The following LRMDA variants were observed in gnomAD, a reference collection of about 807,000 sequenced individuals.
LRMDA encodes the protein leucine-rich melanocyte differentiation-associated protein.
A neutral mutation model predicts 29.8 loss-of-function variants in LRMDA; 18 were observed. The ratio of observed to expected loss-of-function variants is 0.60; its 90% CI spans 0.42 to 0.90. The LOEUF is 0.90. Ranked by LOEUF, LRMDA falls within the 40% of genes least tolerant of loss-of-function variation. The pLI, the probability that LRMDA is intolerant of heterozygous loss-of-function variation, is 0.00. For synonymous variants in LRMDA, 125 were observed against 109.4 expected (o/e 1.14, Z -0.89); for missense variants, 273 against 273.9 (o/e 1.00, Z 0.02).
intron 2 of LRMDA, among the ~76,000 whole-genome samples, chr10:76,027,112 T>C (rs1454546365): frequency 1.3e-5 from 2 of 152,234 alleles, no homozygotes; most frequent in African/African-American, 4.8e-5. Flanking sequence ...CACTGTTTCT[T>C]ACACCCTTCA....
At chr10:75,897,267 A>G (rs1845599385) in intron 2 of LRMDA, among the ~76,000 whole-genome samples, 1 of 152,208 alleles carries the variant, frequency 6.6e-6, no homozygotes, top group African/African-American at 2.4e-5. Context: ...CCTAGAACCA[A>G]AGGTTAAGTT....
chr10:76,280,927 G>A (rs901028289), intron 5 of LRMDA, among the ~76,000 whole-genome samples: 2 of 152,140 alleles, frequency 1.3e-5, no homozygotes, highest in African/African-American at 2.4e-5. Flanking sequence ...AGAATTGCTT[G>A]TGGCCTTATT....
intron 2 of LRMDA, among the ~76,000 whole-genome samples, chr10:75,901,265 A>G (rs1161709901): frequency 6.6e-6 from 1 of 151,724 alleles, no homozygotes; most frequent in Non-Finnish European, 1.5e-5. Flanking sequence ...CCTGAATTCA[A>G]ATCTCCTTGT....
chr10:76,073,099 C>G (rs1848900584), intron 5 of LRMDA, among the ~76,000 whole-genome samples: 1 of 152,194 alleles, frequency 6.6e-6, no homozygotes, highest in Non-Finnish European at 1.5e-5. Flanking sequence ...TATATTTGAG[C>G]CTAGATTTTG....
intron 2 of LRMDA, among the ~76,000 whole-genome samples, chr10:75,467,912 G>T (rs1844674476): frequency 6.6e-6 from 1 of 151,528 alleles, no homozygotes; most frequent in African/African-American, 2.4e-5. Flanking sequence ...AGTGAGCCGA[G>T]ATCGCGTCAC....
At chr10:76,139,642 C>T (rs192987363) in intron 5 of LRMDA, among the ~76,000 whole-genome samples, 8 of 152,254 alleles carry the variant, frequency 5.3e-5, no homozygotes, top group Admixed American at 3.3e-4. Flanking sequence ...TTTGATCCTT[C>T]GTGTACTTTC....
intron 5 of LRMDA, among the ~76,000 whole-genome samples, chr10:76,229,935 G>A (rs570302955): frequency 1.3e-5 from 2 of 152,234 alleles, no homozygotes; most frequent in Admixed American, 1.3e-4. Flanking sequence ...TTTTCAGGAA[G>A]CTGCTGATAA....
intron 6 of LRMDA, among the ~76,000 whole-genome samples, chr10:76,491,216 C>T (rs190573099): frequency 3.3e-5 from 5 of 152,070 alleles, no homozygotes; most frequent in Admixed American, 2.0e-4. Context: ...TTACATACCA[C>T]AATTGCAGTG....
chr10:75,896,841 T>TTGTGTTTGTGTG (rs1845590656), intron 2 of LRMDA, among the ~76,000 whole-genome samples: 2 of 147,442 alleles, frequency 1.4e-5, no homozygotes, highest in South Asian at 4.4e-4. Context: ...GAGTGTGCAT[T>TTGTGTTTGTGTG]TGTGTGTGTG....
chr10:76,080,928 G>A (rs1849039220), intron 5 of LRMDA, among the ~76,000 whole-genome samples: 1 of 152,178 alleles, frequency 6.6e-6, no homozygotes, highest in African/African-American at 2.4e-5. Flanking sequence ...TCCTCTCTAG[G>A]TGGGCTGTGT....
At chr10:75,707,246 T>C (rs1842380723) in intron 2 of LRMDA, among the ~76,000 whole-genome samples, 1 of 152,164 alleles carries the variant, frequency 6.6e-6, no homozygotes, top group Admixed American at 6.5e-5. Flanking sequence ...AACTAAGATG[T>C]GTCAGATGGG....
At chr10:76,512,755 G>A (rs1254644121) in intron 6 of LRMDA, among the ~76,000 whole-genome samples, 3 of 152,204 alleles carry the variant, frequency 2.0e-5, no homozygotes, top group African/African-American at 7.2e-5. Context: ...AGTACCCCTT[G>A]TATTATGGGC....
chr10:76,002,202 T>G (rs1318229247), intron 2 of LRMDA, among the ~76,000 whole-genome samples: 2 of 152,212 alleles, frequency 1.3e-5, no homozygotes, highest in Admixed American at 1.3e-4. Context: ...ACTCTTCTTC[T>G]GAGGGCACCA....
intron 3 of LRMDA, among the ~76,000 whole-genome samples, chr10:76,036,454 C>T (rs1352675227): frequency 1.3e-5 from 2 of 152,192 alleles, no homozygotes; most frequent in African/African-American, 4.8e-5. Context: ...AAAATAATGT[C>T]ACCGCTGCAG....
At chr10:75,688,649 TC>T (rs1360285112) in intron 2 of LRMDA, among the ~76,000 whole-genome samples, 1 of 152,212 alleles carries the variant, frequency 6.6e-6, no homozygotes, top group East Asian at 1.9e-4. Context: ...GAGGATTGCC[TC>T]CAATTCTGAA....
In LRMDA at chr10:76,475,233, T is replaced by C. The variant is rs145932989; in HGVS notation, c.602-81976T>C. ...GTGGGCATGGGATTTCTTTTGGGAT[T>C]GATGAAAATGTTTTCAGATTGTGGT... On this transcript the variant is annotated intron_variant, in intron 6 of 6. Coordinates refer to ENST00000611255, the MANE Select transcript of LRMDA (RefSeq NM_001305581.2). 4.4e-3 allele frequency among the ~76,000 whole-genome samples: 671 copies of C among 151,870 alleles called. 1 individual carries two copies. The highest frequency in any genetic ancestry group is 0.015 in the African/African-American group (628 of 41,510).
At chr10:75,589,882 G>A (rs1467264412) in intron 2 of LRMDA, among the ~76,000 whole-genome samples, 1 of 151,884 alleles carries the variant, frequency 6.6e-6, no homozygotes, top group African/African-American at 2.4e-5. Flanking sequence ...GTATGTAACT[G>A]GTCCTTTTTA....
At chr10:76,509,181 A>G (rs1338003920) in intron 6 of LRMDA, among the ~76,000 whole-genome samples, 1 of 152,180 alleles carries the variant, frequency 6.6e-6, no homozygotes, top group Non-Finnish European at 1.5e-5. Flanking sequence ...ATGCAGGTAC[A>G]TGCATATTTC....
At chr10:76,299,228 GTGTCCATA>G (rs1425256792) in intron 5 of LRMDA, among the ~76,000 whole-genome samples, 2 of 151,804 alleles carry the variant, frequency 1.3e-5, no homozygotes, top group African/African-American at 2.4e-5. Flanking sequence ...TATATTGTGT[GTGTCCATA>G]TGTTCTGGGA....
Sources: allele counts gnomAD v4.1 joint callset (sites outside exome capture counted in the v4.1 genomes callset), GRCh38; gene constraint gnomAD v4.1.1; transcripts MANE v1.5; gene names NCBI Gene and HGNC (gene_info 2026-07-23, HGNC 2026-07-21).